The following CDKL5 variants were observed in gnomAD, a reference collection of about 807,000 sequenced individuals.
CDKL5 encodes cyclin dependent kinase like 5.
Under a neutral mutation model 61.7 loss-of-function variants are expected in CDKL5, and 8 were observed. The ratio of observed to expected loss-of-function variants is 0.13; its 90% confidence interval spans 0.08 to 0.23. The LOEUF (loss-of-function observed/expected upper bound fraction) is 0.23, where lower values mean the gene tolerates loss of function less well. CDKL5 is among the 10% of genes least tolerant of loss of function. The pLI is 1.00. For missense variants in CDKL5, 440 were observed against 734.5 expected, an observed-to-expected ratio of 0.60 and a Z score of 4.63; for synonymous variants, 275 against 272.3, an observed-to-expected ratio of 1.01 and a Z score of -0.10.
chrX:18,477,320 GCCTCCCAAA>G (rs1344557258), intron 1 of CDKL5, among the ~76,000 whole-genome samples: 1 of 111,469 alleles, frequency 9.0e-6, no homozygotes, highest in Non-Finnish European at 1.9e-5. Flanking sequence ...GTCCACCTTG[GCCTCCCAAA>G]GTGCTGGGAT....
chrX:18,536,044 T>TA (rs778911603), intron 3 of CDKL5: 1 of 112,428 alleles, frequency 8.9e-6, no homozygotes, highest in East Asian at 2.8e-4. Flanking sequence ...ACAGAGTTCT[T>TA]AAACAAAAGC....
intron 4 of CDKL5, among the ~76,000 whole-genome samples, chrX:18,568,845 C>T (rs762784736): frequency 9.1e-6 from 1 of 109,998 alleles, no homozygotes; most frequent in African/African-American, 3.3e-5. Context: ...CAGGTGCGCA[C>T]CACCACTCCC....
intron 3 of CDKL5, among the ~76,000 whole-genome samples, chrX:18,529,777 A>G (rs997715179): frequency 9.1e-6 from 1 of 109,877 alleles, no homozygotes; most frequent in Non-Finnish European, 1.9e-5. Context: ...TTCTTTCACA[A>G]TTTTCTCCTT....
rs201636229 is a variant in CDKL5, at chrX:18,460,142, G to A, written c.-163+34447G>A. The stretch of plus-strand genomic sequence containing the variant: ...TCTCGATCTCTTGACCTCGTGATCC[G>A]CCCGCCTCGGCCTTCCAAAATGTTG... On this transcript the variant is annotated intron_variant, in intron 1 of 17. Transcript: ENST00000623535. Among the ~76,000 whole-genome samples the A allele has an allele frequency of 3.1e-4, 34 of 110,867 alleles. No individual in the cohort carries two copies. The East Asian group carries it at 9.2e-3, about 30-fold the overall frequency.
intron 1 of CDKL5, among the ~76,000 whole-genome samples, chrX:18,502,172 T>C (rs183359192): frequency 1.9e-3 from 208 of 111,388 alleles, no homozygotes; most frequent in Middle Eastern, 4.6e-3. Flanking sequence ...TTTCCCTCTT[T>C]CATAACAAAA....
intron 8 of CDKL5, among the ~76,000 whole-genome samples, chrX:18,584,820 G>T (rs751369288): frequency 8.9e-6 from 1 of 111,829 alleles, no homozygotes; most frequent in African/African-American, 3.3e-5. Flanking sequence ...CTTTTGCCTC[G>T]TTGGCCAAAG....
chrX:18,592,716 T>A (rs138554946), intron 9 of CDKL5, among the ~76,000 whole-genome samples: 9 of 112,413 alleles, frequency 8.0e-5, no homozygotes, highest in Admixed American at 7.6e-4. Context: ...GGAGAAATTT[T>A]CTTTCATGAT....
chrX:18,428,820 A>G (rs1408324424), intron 1 of CDKL5, among the ~76,000 whole-genome samples: 1 of 109,870 alleles, frequency 9.1e-6, no homozygotes, highest in Non-Finnish European at 1.9e-5. Flanking sequence ...TCATCTGATC[A>G]TGGCATCAGT....
intron 8 of CDKL5, among the ~76,000 whole-genome samples, 166 bp downstream of exon 8, chrX:18,584,519 C>T (rs1004783300): frequency 9.8e-5 from 11 of 111,948 alleles, no homozygotes; most frequent in Non-Finnish European, 1.9e-4. Flanking sequence ...AAACAAGCAC[C>T]TTTTTGTTTG....
At chrX:18,612,912 A>G (rs1192159430) in intron 14 of CDKL5, among the ~76,000 whole-genome samples, 1 of 109,146 alleles carries the variant, frequency 9.2e-6, no homozygotes, top group Non-Finnish European at 1.9e-5. Flanking sequence ...ATGCAGTAGG[A>G]TAACGTGAAA....
chrX:18,553,058 A>G (rs778087607), intron 3 of CDKL5, among the ~76,000 whole-genome samples: 1 of 111,336 alleles, frequency 9.0e-6, no homozygotes, highest in African/African-American at 3.3e-5. Flanking sequence ...CAAAGGCTTG[A>G]CCAGGGGTAG....
intron 14 of CDKL5, among the ~76,000 whole-genome samples, chrX:18,610,384 T>G (rs1926510623): frequency 8.9e-6 from 1 of 112,625 alleles, no homozygotes; most frequent in Non-Finnish European, 1.9e-5. Context: ...TTGTTCCAGA[T>G]GGACTGAAAC....
At chrX:18,648,087 A>T (rs1927863414) in intron 20 of CDKL5, among the ~76,000 whole-genome samples, 1 of 110,936 alleles carries the variant, frequency 9.0e-6, no homozygotes, top group Non-Finnish European at 1.9e-5. Flanking sequence ...CTGTAATCCC[A>T]GCTACTCGGG....
At chrX:18,617,509 TG>T (rs1209841498) in intron 15 of CDKL5, among the ~76,000 whole-genome samples, 3 of 112,456 alleles carry the variant, frequency 2.7e-5, no homozygotes, top group Non-Finnish European at 5.6e-5. Context: ...CAGCTGTCAA[TG>T]TATAACTCAT....
intron 3 of CDKL5, among the ~76,000 whole-genome samples, chrX:18,514,982 A>G (rs780413325): frequency 1.5e-4 from 17 of 110,366 alleles, no homozygotes; most frequent in Non-Finnish European, 2.6e-4. Flanking sequence ...TATTTTCAGT[A>G]GAGACGGGGC....
chrX:18,558,445 G>A (rs776850411), intron 3 of CDKL5, among the ~76,000 whole-genome samples: 11 of 111,318 alleles, frequency 9.9e-5, no homozygotes, highest in African/African-American at 2.0e-4. Flanking sequence ...TCAGGGTGGT[G>A]GTAGAATAAG....
At chrX:18,464,224 G>T (rs993788035) in intron 1 of CDKL5, among the ~76,000 whole-genome samples, 1 of 108,670 alleles carries the variant, frequency 9.2e-6, no homozygotes, top group Non-Finnish European at 1.9e-5. Context: ...TTACTATTGC[G>T]ATGGAACAGG....
intron 7 of CDKL5, among the ~76,000 whole-genome samples, chrX:18,584,001 G>A (rs1292314259): frequency 9.0e-6 from 1 of 111,635 alleles, no homozygotes; most frequent in African/African-American, 3.3e-5. Flanking sequence ...TAAAAGCATG[G>A]GATGACTTCG....
intron 1 of CDKL5, among the ~76,000 whole-genome samples, chrX:18,434,175 G>A (rs1434823456): frequency 8.9e-5 from 10 of 112,223 alleles, no homozygotes; most frequent in Non-Finnish European, 1.7e-4. Context: ...CCTTTGCTCA[G>A]TGTATTGCTT....
Sources: gnomAD v4.1 joint callset for allele counts (sites outside exome capture counted in the v4.1 genomes callset) on GRCh38, gnomAD v4.1.1 for gene constraint, MANE v1.5 for transcripts, NCBI Gene and HGNC (gene_info 2026-07-23, HGNC 2026-07-21) for gene names.